FKBP5: variants seen among roughly 807,000 people sequenced by gnomAD.
FKBP5 encodes peptidyl-prolyl cis-trans isomerase FKBP5.
A neutral mutation model predicts 50.5 loss-of-function variants in FKBP5; 23 were observed. The ratio of observed to expected loss-of-function variants is 0.46; its 90% confidence interval spans 0.33 to 0.65. The LOEUF is 0.65. FKBP5 is among the 30% of genes least tolerant of loss of function. The probability of loss-of-function intolerance (pLI) is 0.02; values close to 1 mark genes in which losing one functional copy is unlikely to be tolerated. For missense variants in FKBP5, 411 were observed against 553.1 expected, an observed-to-expected ratio of 0.74 and a Z score of 2.58; for synonymous variants, 176 against 190.6, an observed-to-expected ratio of 0.92 and a Z score of 0.63.
chr6:35,623,039 G>A (rs974952276), intron 3 of FKBP5, among the ~76,000 whole-genome samples: 10 of 151,930 alleles, frequency 6.6e-5, no homozygotes, highest in Non-Finnish European at 1.3e-4. Context: ...TCAGGAGATC[G>A]AAACCATCCT....
Position 35,681,269 on chromosome 6 carries a change from C to T in FKBP5, c.-20+7535G>A, listed in dbSNP as rs117099380. Among the ~76,000 whole-genome samples, 294 of 152,192 alleles carry T rather than the reference C, an allele frequency of 1.9e-3. 3 individuals are homozygous for T. The East Asian group carries it at 0.041, about 21-fold the overall frequency. ...ATTGGCAAAACTGGATAAAGGTATA[C>T]GGAAGCTCTTTGTACTAGTCTTGCA... On this transcript the variant is annotated intron_variant, in intron 1 of 10. Coordinates refer to ENST00000357266, the MANE Select transcript of FKBP5 (RefSeq NM_004117.4).
intron 1 of FKBP5, among the ~76,000 whole-genome samples, chr6:35,653,947 TAATA>T (rs1356721159): frequency 6.6e-6 from 1 of 151,924 alleles, no homozygotes; most frequent in African/African-American, 2.4e-5. Context: ...TTAAAAAAAA[TAATA>T]AAAATAAAAA....
At chr6:35,646,620 C>G (rs1182462899) in intron 1 of FKBP5, among the ~76,000 whole-genome samples, 1 of 152,156 alleles carries the variant, frequency 6.6e-6, no homozygotes, top group East Asian at 1.9e-4. Context: ...CACACTGAGA[C>G]AGTTTCACCA....
chr6:35,717,971 C>A (rs138928642), intron 2 of FKBP5, among the ~76,000 whole-genome samples: 1 of 152,048 alleles, frequency 6.6e-6, no homozygotes, highest in East Asian at 1.9e-4. Context: ...TAAGTCCCTT[C>A]GATTCCTCCA....
At chr6:35,647,230 C>A (rs1764654437) in intron 1 of FKBP5, among the ~76,000 whole-genome samples, 1 of 151,952 alleles carries the variant, frequency 6.6e-6, no homozygotes, top group South Asian at 2.1e-4. Flanking sequence ...TTAAAACAAA[C>A]AAAAAAACCC....
chr6:35,583,440 T>C (rs941613865), intron 8 of FKBP5: 1 of 985,450 alleles, frequency 1.0e-6, no homozygotes, highest in South Asian at 4.7e-5. Context: ...TTCCTTCACA[T>C]AGGGCATTTT....
intron 5 of FKBP5, among the ~76,000 whole-genome samples, chr6:35,618,174 G>A (rs1335277860): frequency 6.6e-6 from 1 of 152,008 alleles, no homozygotes; most frequent in Non-Finnish European, 1.5e-5. Context: ...ACCTCTTAAG[G>A]TTGTGAGAAA....
At position 35,580,526 on chromosome 6, in the gene FKBP5, CTTTTTTTTTTTTTTT is replaced by C. The variant is rs34594222; in HGVS notation, c.841-320_841-306del. On this transcript the variant is annotated intron_variant, in intron 8 of 10. Coordinates refer to ENST00000357266, the MANE Select transcript of FKBP5 (RefSeq NM_004117.4). ...TTCTTTGGTGCTAATATTCTTTAGTCTTTTTTTTTTTTTTTTTTTTTTTTTTTTTTGAGACACAGT... is the reference window on the plus strand; with the variant it reads ...TTCTTTGGTGCTAATATTCTTTAGTCTTTTTTTTTTTTTTTGAGACACAGT... The C allele has an allele frequency of 1.2e-3, 63 of 54,682 alleles. 1 individual carries two copies. In the East Asian group the frequency reaches 0.035, roughly 31 times the overall value. 3.4% of individuals were successfully genotyped at this position (54,682 alleles called of 1,614,324 possible).
chr6:35,676,362 T>G (rs1561889923), intron 1 of FKBP5, among the ~76,000 whole-genome samples: 1 of 152,212 alleles, frequency 6.6e-6, no homozygotes. Context: ...AAATCAGTTT[T>G]TTTTCCTGAG....
chr6:35,647,795 C>T (rs770454846), intron 1 of FKBP5, among the ~76,000 whole-genome samples: 16 of 152,078 alleles, frequency 1.1e-4, no homozygotes, highest in Non-Finnish European at 2.2e-4. Flanking sequence ...GAGTTCAGAC[C>T]CATCGAAAGG....
chr6:35,620,202 T>A lies in FKBP5; in HGVS notation c.323A>T (p.Lys108Ile). The part of the protein sequence containing the change: ...KKGEICHLLC[K>I]PEYAYGSAGS... ...AGCCGAGCCATATGCATATTCTGGT[T>A]TGCACAGTAAATGGCATATCTCTCC... The change falls in exon 4 of 11, where the codon AAA (lysine) becomes ATA (isoleucine). Residue 108 changes from lysine (K) to isoleucine (I), a missense_variant. Transcript: ENST00000357266. 6.2e-7 allele frequency: 1 copy of A among 1,614,154 alleles called. No individual in the cohort carries two copies. Among genetic ancestry groups the A allele is most frequent in the Non-Finnish European group, 8.5e-7 (1 of 1,180,014 alleles).
intron 1 of FKBP5, among the ~76,000 whole-genome samples, chr6:35,725,414 A>C (rs943792927): frequency 6.6e-6 from 1 of 152,094 alleles, no homozygotes; most frequent in African/African-American, 2.4e-5. Context: ...GCAAGGGGAG[A>C]GGGATCAGCC....
chr6:35,650,000 G>T (rs1764750262), intron 1 of FKBP5, among the ~76,000 whole-genome samples: 1 of 152,160 alleles, frequency 6.6e-6, no homozygotes, highest in Admixed American at 6.5e-5. Context: ...GAATCATTTA[G>T]CTAAGAGTCT....
At chr6:35,650,246 C>T (rs1034971258) in intron 1 of FKBP5, among the ~76,000 whole-genome samples, 4 of 146,658 alleles carry the variant, frequency 2.7e-5, no homozygotes, top group African/African-American at 1.0e-4. Context: ...AGGAGTATCA[C>T]GCCATGGTTG....
intron 2 of FKBP5, among the ~76,000 whole-genome samples, chr6:35,716,693 A>G (rs553373546): frequency 6.6e-6 from 1 of 151,530 alleles, no homozygotes; most frequent in Admixed American, 6.6e-5. Context: ...TCCCTACCCA[A>G]CTCTTGAGAT....
At chr6:35,717,526 C>T (rs532943702) in intron 2 of FKBP5, among the ~76,000 whole-genome samples, 1 of 152,324 alleles carries the variant, frequency 6.6e-6, no homozygotes, top group African/African-American at 2.4e-5. Context: ...TCTGTGTGCA[C>T]CCTGTGTGTA....
intron 8 of FKBP5, chr6:35,580,960 A>G: frequency 2.0e-6 from 2 of 985,390 alleles, no homozygotes; most frequent in Non-Finnish European, 2.4e-6. Flanking sequence ...GGCAAGTGCT[A>G]GTTCCAAACA....
At chr6:35,613,873 C>A (rs934486865) in intron 5 of FKBP5, among the ~76,000 whole-genome samples, 1 of 152,136 alleles carries the variant, frequency 6.6e-6, no homozygotes, top group Non-Finnish European at 1.5e-5. Context: ...AAAGATTAGT[C>A]ATTGCCCTTT....
chr6:35,724,125 G>GA, intron 1 of FKBP5, among the ~76,000 whole-genome samples: 1 of 152,326 alleles, frequency 6.6e-6, no homozygotes, highest in East Asian at 1.9e-4. Flanking sequence ...TCTCCCAAAG[G>GA]CCTGCTGTAA....
Sources: gnomAD v4.1 joint callset for allele counts (sites outside exome capture counted in the v4.1 genomes callset) on GRCh38, gnomAD v4.1.1 for gene constraint, MANE v1.5 for transcripts, NCBI Gene and HGNC (gene_info 2026-07-23, HGNC 2026-07-21) for gene names.